Variants in EEF1A2 observed in about 807,000 individuals in gnomAD.
EEF1A2 encodes the protein eukaryotic translation elongation factor 1 alpha 2.
In EEF1A2, 5 loss-of-function variants were observed where a neutral mutation model predicts 39.3. The observed-to-expected ratio is 0.13, with a 90% CI of 0.07 to 0.27. EEF1A2 has a LOEUF of 0.27. EEF1A2 is among the 10% of genes least tolerant of loss of function. The pLI is 1.00. For missense variants in EEF1A2, 218 were observed against 681.4 expected (o/e 0.32, Z 7.57); for synonymous variants, 287 against 293.7 (o/e 0.98, Z 0.23).
intron 2 of EEF1A2, chr20:63,496,398 C>G (rs1182485655): frequency 2.2e-5 from 6 of 267,180 alleles, no homozygotes; most frequent in Admixed American, 4.9e-5. Context: ...AGATCCCTTC[C>G]TCAACCAGAG....
chr20:63,492,928 AGATG>A (rs2082397740), intron 5 of EEF1A2, among the ~76,000 whole-genome samples: 1 of 102,916 alleles, frequency 9.7e-6, no homozygotes, highest in African/African-American at 3.8e-5. Flanking sequence ...AGAGGTGGAT[AGATG>A]GATGGGTGGA....
chr20:63,495,554 C>T (rs2082412818), intron 3 of EEF1A2, among the ~76,000 whole-genome samples: 1 of 152,214 alleles, frequency 6.6e-6, no homozygotes, highest in Admixed American at 6.5e-5. Context: ...TCACTCTCCC[C>T]ATCCTGGCCT....
chr20:63,491,915 GGGAT>G (rs2082383150), intron 5 of EEF1A2, among the ~76,000 whole-genome samples: 2 of 59,506 alleles, frequency 3.4e-5, no homozygotes, highest in East Asian at 5.3e-4. Context: ...GATGGATGGG[GGGAT>G]AGATGGATGG....
rs1600908311 is a variant in EEF1A2 at position 63,495,784 on chromosome 20, C to T, written c.324+72G>A. On this transcript the variant is annotated intron_variant, in intron 3 of 7. Coordinates refer to ENST00000217182, the MANE Select transcript of EEF1A2 (RefSeq NM_001958.5). The stretch of plus-strand genomic sequence containing the variant: ...AGGAGACCCTACCATCCCAGTGACC[C>T]CAGGGGCCCCCAGTGTCCCTTGAAG... 6.4e-6 allele frequency: 10 copies of T among 1,563,232 alleles called. 1 individual carries two copies. In the South Asian group the frequency reaches 1.2e-4, roughly 19 times the overall value.
At chr20:63,491,762 ATT>A (rs1381007962) in intron 5 of EEF1A2, among the ~76,000 whole-genome samples, 3 of 140,020 alleles carry the variant, frequency 2.1e-5, no homozygotes, top group Non-Finnish European at 3.1e-5. Flanking sequence ...GGATGGATGG[ATT>A]GGTGGATGGA....
intron 3 of EEF1A2, 142 bp from the exon 4 acceptor site, chr20:63,495,243 T>TG (rs1246298943): frequency 1.6e-6 from 2 of 1,264,738 alleles, no homozygotes; most frequent in Admixed American, 2.7e-5. Context: ...GAGGGAGGCA[T>TG]GGGGGTCCCC....
Position 63,497,852 on chromosome 20 carries a change from G to A in EEF1A2, c.-71-18C>T. ...CAGTGATTCTGTGGGGCCAGTGGTG[G>A]TGGGGAGACCGGTGATGGGGAGCCC... On this transcript the variant is annotated intron_variant, in intron 1 of 7. Transcript: ENST00000217182. The surrounding 1 kb of genome is among the most constrained non-coding windows in gnomAD (Gnocchi z 7.3). The A allele has an allele frequency of 6.5e-7, 1 of 1,527,054 alleles. No homozygotes were observed. Among genetic ancestry groups the A allele is most frequent in the Non-Finnish European group, 8.8e-7 (1 of 1,131,578 alleles). 94.6% of individuals were successfully genotyped at this position (1,527,054 alleles called of 1,614,324 possible).
intron 7 of EEF1A2, 134 bp from the exon 8 acceptor site, chr20:63,488,559 T>A: frequency 8.2e-7 from 1 of 1,222,638 alleles, no homozygotes; most frequent in Non-Finnish European, 1.1e-6. Flanking sequence ...CGCGCCCCTG[T>A]GAAGACGGCC....
chr20:63,495,726 A>G, intron 3 of EEF1A2, 130 bp downstream of exon 3: 1 of 1,192,254 alleles, frequency 8.4e-7, no homozygotes, highest in Non-Finnish European at 1.2e-6. Flanking sequence ...AGGGTGGCCC[A>G]GGTGAGGGGT....
At chr20:63,489,839 G>A (rs1055638987) in intron 6 of EEF1A2, among the ~76,000 whole-genome samples, 4 of 152,238 alleles carry the variant, frequency 2.6e-5, no homozygotes, top group African/African-American at 9.6e-5. Flanking sequence ...AATGAAGACT[G>A]TAGAGAATAA....
chr20:63,491,958 GTGGATGGATGGATGGATGGATGGA>G (rs145650602), intron 5 of EEF1A2, among the ~76,000 whole-genome samples: 2 of 68,450 alleles, frequency 2.9e-5, no homozygotes, highest in Non-Finnish European at 5.2e-5. Flanking sequence ...GGATGGGGAG[GTGGATGGATGGATGGATGGATGGA>G]TGGATGGATG....
chr20:63,493,856 C>A (rs879424627), intron 4 of EEF1A2, among the ~76,000 whole-genome samples: 3 of 152,246 alleles, frequency 2.0e-5, no homozygotes, highest in Non-Finnish European at 4.4e-5. Context: ...AGTGCCCCAG[C>A]CCCCCAGGGC....
intron 7 of EEF1A2, 152 bp downstream of exon 7, chr20:63,488,766 G>C: frequency 1.1e-6 from 1 of 873,996 alleles, no homozygotes; most frequent in Non-Finnish European, 1.7e-6. Context: ...CAGTGACACG[G>C]AGGCCGTGGC....
chr20:63,491,654 G>A (rs555031870), intron 5 of EEF1A2, among the ~76,000 whole-genome samples: 35 of 151,258 alleles, frequency 2.3e-4, no homozygotes, highest in Admixed American at 5.9e-4. Context: ...GGATGGGGAG[G>A]TGGGTGGATG....
intron 6 of EEF1A2, 47 bp from the exon 7 acceptor site, chr20:63,489,199 A>T: frequency 1.3e-6 from 2 of 1,583,532 alleles, no homozygotes; most frequent in Non-Finnish European, 1.7e-6. Context: ...GGCGGTGGGC[A>T]CCGGGAGGGC....
At chr20:63,495,300 G>T (rs995769063) in intron 3 of EEF1A2, among the ~76,000 whole-genome samples, 199 bp from the exon 4 acceptor site, 1 of 152,244 alleles carries the variant, frequency 6.6e-6, no homozygotes, top group African/African-American at 2.4e-5. Context: ...TGGGTCAGGG[G>T]ACCGAGGTTC....
intron 4 of EEF1A2, 135 bp downstream of exon 4, chr20:63,494,670 C>T (rs2082408328): frequency 7.8e-7 from 1 of 1,274,180 alleles, no homozygotes; most frequent in Non-Finnish European, 1.1e-6. Flanking sequence ...TTAGGGAAAC[C>T]CAGCAGGTTT....
At chr20:63,496,269 G>T in intron 2 of EEF1A2, 1 of 563,970 alleles carries the variant, frequency 1.8e-6, no homozygotes, top group Admixed American at 3.2e-5. Flanking sequence ...CGGCTACGCA[G>T]GTCCACCAGC....
At position 63,497,529 on chromosome 20, in the gene EEF1A2, A is replaced by G; in HGVS notation, c.144+91T>C. 1 of 1,535,450 alleles carries G rather than the reference A, an allele frequency of 6.5e-7. No homozygotes were observed. The highest frequency in any genetic ancestry group is 8.8e-7 in the Non-Finnish European group (1 of 1,140,136). On this transcript the variant is annotated intron_variant, in intron 2 of 7. Transcript: ENST00000217182. This position sits in a 1 kb window ranked among gnomAD's most constrained non-coding sequence, Gnocchi z 7.3. ...CCCTGGAGGAGGTCACCTGAGCCCC[A>G]TGCCCTGGGGCTGGGAGATGCCAAG...
Sources: allele counts gnomAD v4.1 joint callset (sites outside exome capture counted in the v4.1 genomes callset), GRCh38; gene constraint gnomAD v4.1.1; non-coding constraint Gnocchi (gnomAD v3.1); transcripts MANE v1.5; gene names NCBI Gene and HGNC (gene_info 2026-07-23, HGNC 2026-07-21).